PAGE2B: variants seen among roughly 807,000 people sequenced by gnomAD.
PAGE2B encodes the protein PAGE family member 2B, also known as putative G antigen family E member 3.
A neutral mutation model predicts 7.6 loss-of-function variants in PAGE2B; 5 were observed. The ratio of observed to expected loss-of-function variants is 0.66; its 90% CI spans 0.34 to 1.38. The LOEUF is 1.38. Among genes scored for constraint, PAGE2B ranks in the 40% most tolerant of loss-of-function variants. The probability of loss-of-function intolerance (pLI) is 0.04; values close to 1 mark genes in which losing one functional copy is unlikely to be tolerated. For synonymous variants in PAGE2B, 29 were observed against 26.7 expected, an observed-to-expected ratio of 1.09 and a Z score of -0.27; for missense variants, 70 against 78.4, an observed-to-expected ratio of 0.89 and a Z score of 0.41.
At chrX:55,059,832 AT>A in the PAGE2B span, among the ~76,000 whole-genome samples, 1 of 111,197 alleles carries the variant, frequency 9.0e-6, no homozygotes, top group Non-Finnish European at 1.9e-5. Context: ...TATCAATTAG[AT>A]TTTTTTAGAG....
At chrX:55,050,547 C>G in the PAGE2B span, among the ~76,000 whole-genome samples, 2 of 110,623 alleles carry the variant, frequency 1.8e-5, no homozygotes, top group Non-Finnish European at 3.8e-5. Flanking sequence ...GAATTGATCC[C>G]TTTACCATTA....
chrX:55,041,243 G>A, the PAGE2B span, among the ~76,000 whole-genome samples: 48 of 108,051 alleles, frequency 4.4e-4, 1 homozygote, highest in Non-Finnish European at 7.1e-4. Context: ...CACCATGCCC[G>A]GCTAATTTTT....
the PAGE2B span, among the ~76,000 whole-genome samples, chrX:55,052,220 C>G: frequency 5.3e-5 from 6 of 112,259 alleles, no homozygotes; most frequent in Admixed American, 3.8e-4. Context: ...TCTGCCCCTA[C>G]TGGGGGGTGC....
chrX:55,046,377 G>A, the PAGE2B span, among the ~76,000 whole-genome samples: 1 of 111,812 alleles, frequency 8.9e-6, no homozygotes, highest in African/African-American at 3.3e-5. Flanking sequence ...GCCTCTCAAA[G>A]TGCTGGGATT....
At chrX:55,053,106 A>G in the PAGE2B span, among the ~76,000 whole-genome samples, 5 of 112,646 alleles carry the variant, frequency 4.4e-5, no homozygotes, top group African/African-American at 1.6e-4. Flanking sequence ...AATAGCAAAG[A>G]CATGGAATCA....
At chrX:55,074,570 CAA>C (rs1936482339), upstream of PAGE2B, among the ~76,000 whole-genome samples, 1 of 111,739 alleles carries the variant, frequency 8.9e-6, no homozygotes, top group South Asian at 3.7e-4. Context: ...CCAGATGGAT[CAA>C]AGATTTTGAA....
chrX:55,051,512 T>A, the PAGE2B span, among the ~76,000 whole-genome samples: 1 of 111,803 alleles, frequency 8.9e-6, no homozygotes, highest in Non-Finnish European at 1.9e-5. Context: ...TCATTTCTTT[T>A]TATTCTTTTT....
the PAGE2B span, among the ~76,000 whole-genome samples, chrX:55,039,231 C>A: frequency 3.6e-5 from 4 of 111,282 alleles, no homozygotes; most frequent in Non-Finnish European, 5.6e-5. Context: ...ATTTTCCCCC[C>A]CTGGCTTCTT....
At chrX:55,054,233 A>G in the PAGE2B span, among the ~76,000 whole-genome samples, 13 of 111,611 alleles carry the variant, frequency 1.2e-4, no homozygotes. Flanking sequence ...AAAACAAGAC[A>G]AACCAACAAC....
the PAGE2B span, among the ~76,000 whole-genome samples, chrX:55,062,524 C>A: frequency 9.0e-6 from 1 of 111,557 alleles, no homozygotes; most frequent in Non-Finnish European, 1.9e-5. Flanking sequence ...GGGTAAGTTG[C>A]AAATGTTTGT....
the PAGE2B span, among the ~76,000 whole-genome samples, chrX:55,037,043 A>T: frequency 9.0e-6 from 1 of 111,436 alleles, no homozygotes; most frequent in African/African-American, 3.3e-5. Flanking sequence ...AAGCCAAAAC[A>T]GACAAATGGG....
At chrX:55,075,363 C>T (rs73490469) in intron 1 of PAGE2B, among the ~76,000 whole-genome samples, 6,612 of 110,733 alleles carry the variant, frequency 0.06, 459 homozygotes, top group African/African-American at 0.2. Flanking sequence ...GGGGCGAGTG[C>T]TGGGGGTGCT....
At chrX:55,041,079 T>TC in the PAGE2B span, among the ~76,000 whole-genome samples, 1 of 80,465 alleles carries the variant, frequency 1.2e-5, no homozygotes. Context: ...TCAATAATTC[T>TC]TTTTTTTTTT....
the PAGE2B span, among the ~76,000 whole-genome samples, chrX:55,058,301 C>T: frequency 9.1e-6 from 1 of 110,065 alleles, no homozygotes; most frequent in Admixed American, 9.8e-5. Context: ...CCCTAAAAAA[C>T]AAAAAACTTG....
intron 2 of PAGE2B, among the ~76,000 whole-genome samples, chrX:55,076,326 C>CTA (rs1436579859): frequency 9.5e-4 from 99 of 103,920 alleles, no homozygotes; most frequent in African/African-American, 2.4e-3. Flanking sequence ...CTCTCTCTCT[C>CTA]TATATATATA....
chrX:55,035,471 A>C, the PAGE2B span, among the ~76,000 whole-genome samples: 5 of 111,606 alleles, frequency 4.5e-5, no homozygotes, highest in African/African-American at 1.6e-4. Context: ...TATCAACAAA[A>C]TCAGGGAGGT....
At chrX:55,063,466 G>T in the PAGE2B span, among the ~76,000 whole-genome samples, 1 of 110,873 alleles carries the variant, frequency 9.0e-6, no homozygotes, top group African/African-American at 3.3e-5. Flanking sequence ...TTTTCTCGTG[G>T]AGCCTTTAGG....
the PAGE2B span, among the ~76,000 whole-genome samples, chrX:55,049,330 T>C: frequency 1.8e-5 from 2 of 112,107 alleles, no homozygotes; most frequent in African/African-American, 6.5e-5. Context: ...TAAAATGAGT[T>C]AGGGAGGATT....
At chrX:55,031,238 A>C in the PAGE2B span, among the ~76,000 whole-genome samples, 5 of 111,395 alleles carry the variant, frequency 4.5e-5, no homozygotes, top group African/African-American at 1.6e-4. Flanking sequence ...GAGCTGGGAT[A>C]CCTTGAGCAA....
Sources: gnomAD v4.1 joint callset for allele counts (sites outside exome capture counted in the v4.1 genomes callset) on GRCh38, gnomAD v4.1.1 for gene constraint, MANE v1.5 for transcripts, NCBI Gene and HGNC (gene_info 2026-07-23, HGNC 2026-07-21) for gene names.